TSC22D1: variants seen among roughly 807,000 people sequenced by gnomAD.
The protein encoded by TSC22D1 is TSC22 domain family member 1.
In TSC22D1, 9 loss-of-function variants were observed where a neutral mutation model predicts 74.2. The ratio of observed to expected loss-of-function variants is 0.12; its 90% CI spans 0.07 to 0.21. The LOEUF (loss-of-function observed/expected upper bound fraction) is 0.21, where lower values mean the gene tolerates loss of function less well. TSC22D1 is among the 10% of genes least tolerant of loss of function. The pLI, the probability that TSC22D1 is intolerant of heterozygous loss-of-function variation, is 1.00. For missense variants in TSC22D1, 1,427 were observed against 1,304.7 expected, an observed-to-expected ratio of 1.09 and a Z score of -1.44; for synonymous variants, 586 against 492.5, an observed-to-expected ratio of 1.19 and a Z score of -2.51.
chr13:44,444,383 C>T (rs1312321120), intron 1 of TSC22D1, among the ~76,000 whole-genome samples: 2 of 145,986 alleles, frequency 1.4e-5, no homozygotes, highest in Non-Finnish European at 3.0e-5. Flanking sequence ...AATTAAAAAG[C>T]AGATACTGCT....
chr13:44,452,166 A>C (rs1016983664), intron 1 of TSC22D1, among the ~76,000 whole-genome samples: 2 of 152,206 alleles, frequency 1.3e-5, no homozygotes, highest in African/African-American at 2.4e-5. Context: ...AACCCAAATG[A>C]GGTTAAGTAA....
At chr13:44,444,038 G>A (rs1168483741) in intron 1 of TSC22D1, among the ~76,000 whole-genome samples, 1 of 152,140 alleles carries the variant, frequency 6.6e-6, no homozygotes, top group South Asian at 2.1e-4. Flanking sequence ...TGTAATCCCA[G>A]CACTTTGGGA....
intron 1 of TSC22D1, among the ~76,000 whole-genome samples, chr13:44,490,690 G>C (rs1186726781): frequency 1.3e-5 from 2 of 151,958 alleles, no homozygotes; most frequent in Non-Finnish European, 2.9e-5. Flanking sequence ...CTGAGGTCGG[G>C]AGTTCGAGAC....
At chr13:44,447,006 T>C (rs1048244259) in intron 1 of TSC22D1, among the ~76,000 whole-genome samples, 16 of 152,322 alleles carry the variant, frequency 1.1e-4, no homozygotes, top group Middle Eastern at 3.4e-3. Flanking sequence ...GTTACTATTG[T>C]GAAAAAGATC....
intron 1 of TSC22D1, among the ~76,000 whole-genome samples, chr13:44,481,202 A>C (rs1003233605): frequency 2.0e-5 from 3 of 152,234 alleles, no homozygotes; most frequent in Admixed American, 6.5e-5. Flanking sequence ...AAATGAGACA[A>C]GAAGGATGGA....
chr13:44,445,300 T>C (rs566986339), intron 1 of TSC22D1, among the ~76,000 whole-genome samples: 85 of 144,828 alleles, frequency 5.9e-4, no homozygotes, highest in African/African-American at 2.0e-3. Flanking sequence ...CAGAAAAGAG[T>C]CTTCAGCAAA....
chr13:44,508,360 A>G (rs1879531700), intron 1 of TSC22D1, among the ~76,000 whole-genome samples: 1 of 152,206 alleles, frequency 6.6e-6, no homozygotes, highest in African/African-American at 2.4e-5. Flanking sequence ...TAATGAACAC[A>G]TGGTTCCGAT....
intron 1 of TSC22D1, among the ~76,000 whole-genome samples, chr13:44,527,699 A>G (rs1386409963): frequency 2.0e-5 from 3 of 152,148 alleles, no homozygotes; most frequent in Non-Finnish European, 4.4e-5. Flanking sequence ...TAAATCAATA[A>G]TCATTTTAAA....
At chr13:44,455,940 G>C (rs1023882985) in intron 1 of TSC22D1, among the ~76,000 whole-genome samples, 4 of 149,622 alleles carry the variant, frequency 2.7e-5, no homozygotes, top group African/African-American at 9.8e-5. Context: ...TGAGCAAGCC[G>C]TAAAGAAAGT....
chr13:44,502,497 C>T (rs534574365), intron 1 of TSC22D1, among the ~76,000 whole-genome samples: 2 of 152,190 alleles, frequency 1.3e-5, no homozygotes, highest in South Asian at 4.2e-4. Flanking sequence ...CTCAAATATC[C>T]CAAGGATGGT....
At chr13:44,457,812 A>C (rs1876759182) in intron 1 of TSC22D1, among the ~76,000 whole-genome samples, 2 of 152,168 alleles carry the variant, frequency 1.3e-5, no homozygotes, top group African/African-American at 4.8e-5. Flanking sequence ...TGTAGGGTGA[A>C]GCAGAGAGCT....
At chr13:44,444,860 A>G (rs1875510150) in intron 1 of TSC22D1, among the ~76,000 whole-genome samples, 2 of 152,210 alleles carry the variant, frequency 1.3e-5, no homozygotes, top group South Asian at 2.1e-4. Flanking sequence ...CAAAACTCAC[A>G]TGAGAAGAAA....
chr13:44,467,746 A>G (rs1452312959), intron 1 of TSC22D1, among the ~76,000 whole-genome samples: 1 of 152,182 alleles, frequency 6.6e-6, no homozygotes, highest in Non-Finnish European at 1.5e-5. Context: ...TCAAAAAACA[A>G]TGGATGCTGG....
chr13:44,538,286 T>C (rs556832637), intron 1 of TSC22D1: 45 of 985,354 alleles, frequency 4.6e-5, no homozygotes, highest in Non-Finnish European at 5.1e-5. Flanking sequence ...TTAGAAACTT[T>C]GTTGATTTGA....
intron 1 of TSC22D1, chr13:44,516,346 G>A (rs1483594708): frequency 2.1e-6 from 1 of 466,396 alleles, no homozygotes; most frequent in East Asian, 6.4e-5. Context: ...TGAAGAACCT[G>A]CTTTTTAAAA....
chr13:44,488,648 A>C (rs991703845), intron 1 of TSC22D1, among the ~76,000 whole-genome samples: 3 of 152,230 alleles, frequency 2.0e-5, no homozygotes, highest in African/African-American at 7.2e-5. Context: ...ATAATATATA[A>C]AGAATCTGTT....
At chr13:44,493,697 T>C (rs746634111) in intron 1 of TSC22D1, among the ~76,000 whole-genome samples, 1 of 152,218 alleles carries the variant, frequency 6.6e-6, no homozygotes, top group Non-Finnish European at 1.5e-5. Context: ...AAGCAGGCTA[T>C]GAGAGGACTG....
rs539841204 is a variant in TSC22D1 at position 44,574,541 on chromosome 13, G to T, written c.1534C>A (p.Leu512Ile). The T allele has an allele frequency of 2.5e-6, 4 of 1,614,066 alleles. No individual in the cohort carries two copies. The highest frequency in any genetic ancestry group is 3.4e-6 in the Non-Finnish European group (4 of 1,180,046). Residue 512 changes from leucine (L) to isoleucine (I), a missense_variant, in exon 1 of 3, where the codon CTC becomes ATC. Leu to Ile is a conservative substitution (Grantham distance 5). Transcript: ENST00000458659. The part of the protein sequence containing the change: ...QQQQQQQQPA[L>I]QGVTLQQMDF... Reference sequence around the variant, plus strand: ...ATCTGTTGGAGGGTCACACCTTGGAGAGCTGGTTGTTGCTGTTGTTGTTGT... The same window carrying T: ...ATCTGTTGGAGGGTCACACCTTGGATAGCTGGTTGTTGCTGTTGTTGTTGT...
intron 1 of TSC22D1, among the ~76,000 whole-genome samples, chr13:44,572,275 C>T (rs867362920): frequency 1.3e-5 from 2 of 152,088 alleles, no homozygotes; most frequent in Admixed American, 6.5e-5. Context: ...ATTCAATAAG[C>T]GTTACTGGCA....
Sources: allele counts gnomAD v4.1 joint callset (sites outside exome capture counted in the v4.1 genomes callset), GRCh38; gene constraint gnomAD v4.1.1; transcripts MANE v1.5; gene names NCBI Gene and HGNC (gene_info 2026-07-23, HGNC 2026-07-21).